Variants in RBFOX1 observed in about 807,000 individuals in gnomAD.
RBFOX1 encodes the protein RNA binding fox-1 homolog 1, also known as RNA binding protein fox-1 homolog 1.
In RBFOX1, 8 loss-of-function variants were observed where a neutral mutation model predicts 57.7. That is an observed-to-expected ratio of 0.14 (90% confidence interval 0.08 to 0.25). The LOEUF is 0.25. RBFOX1 is among the 10% of genes least tolerant of loss of function. The probability of loss-of-function intolerance (pLI) is 1.00; values close to 1 mark genes in which losing one functional copy is unlikely to be tolerated. For missense variants in RBFOX1, 611 were observed against 548.5 expected (o/e 1.11, Z -1.14); for synonymous variants, 326 against 222.4 (o/e 1.47, Z -4.15).
In RBFOX1 at chr16:5,888,957, C is replaced by G. The variant is rs563768790; in HGVS notation, c.351+21622C>G. Among the ~76,000 whole-genome samples, 20 of 152,244 alleles carry G rather than the reference C, an allele frequency of 1.3e-4. No individual in the cohort carries two copies. The East Asian group carries it at 3.9e-3, about 29-fold the overall frequency. On this transcript the variant is annotated intron_variant, in intron 4 of 19. Transcript: ENST00000641259. ...ACTGGGAAGATCTCTTCATCCTCTG[C>G]TGTGGGCTGTGAGGTTCCCTTTGTT...
chr16:7,265,986 T>C (rs1341311374), intron 4 of RBFOX1, among the ~76,000 whole-genome samples: 3 of 141,572 alleles, frequency 2.1e-5, no homozygotes, highest in Admixed American at 1.4e-4. Context: ...TTTTTTTTTT[T>C]TTTTCTGAGA....
intron 2 of RBFOX1, among the ~76,000 whole-genome samples, chr16:6,405,371 C>G (rs955663002): frequency 6.6e-6 from 1 of 152,184 alleles, no homozygotes; most frequent in Non-Finnish European, 1.5e-5. Context: ...TAAAACAAAG[C>G]TTTCATATGT....
intron 4 of RBFOX1, among the ~76,000 whole-genome samples, chr16:7,394,427 C>G (rs561219958): frequency 1.3e-5 from 2 of 152,146 alleles, no homozygotes; most frequent in South Asian, 2.1e-4. Flanking sequence ...GCTTACCTCC[C>G]CTAATGGCCA....
In RBFOX1 at chr16:6,557,848, G is replaced by T. The variant is rs115331770; in HGVS notation, c.-63-96755G>T. ...AAGTAGATTTGTAGGCTAATTTATT[G>T]GTCATTTTAATATTGTGTATTCTCC... On this transcript the variant is annotated intron_variant, in intron 2 of 15. Transcript: ENST00000550418. Among the ~76,000 whole-genome samples the T allele has an allele frequency of 3.2e-3, 487 of 152,174 alleles. 1 individual carries two copies. Among genetic ancestry groups the T allele is most frequent in the African/African-American group, 0.011 (470 of 41,502 alleles).
chr16:6,743,932 T>C (rs13334520), intron 3 of RBFOX1, among the ~76,000 whole-genome samples: 21,668 of 151,360 alleles, frequency 0.14, 1,694 homozygotes, highest in South Asian at 0.24. Context: ...TAAATGATTT[T>C]CCAGTTTTTC....
In RBFOX1 at chr16:7,041,375, C is replaced by T. The variant is rs184355061; in HGVS notation, c.-15-10682C>T. On this transcript the variant is annotated intron_variant, in intron 3 of 15. Coordinates refer to ENST00000550418, the MANE Select transcript of RBFOX1 (RefSeq NM_018723.4). ...TGGCTCTCAAAGGGCAATGCATTTC[C>T]TATTTGGCTCTTAGGAGAAAAAGTT... Among the ~76,000 whole-genome samples the T allele has an allele frequency of 2.6e-3, 397 of 152,210 alleles. 2 individuals carry two copies. Among genetic ancestry groups the T allele is most frequent in the Middle Eastern group, 0.017 (5 of 294 alleles).
chr16:7,679,684 C>A (rs2074251300), intron 14 of RBFOX1, among the ~76,000 whole-genome samples: 1 of 151,990 alleles, frequency 6.6e-6, no homozygotes, highest in South Asian at 2.1e-4. Flanking sequence ...CCAGTAACCT[C>A]AGGACTGTCC....
At chr16:6,327,285 A>G (rs1048645197) in intron 2 of RBFOX1, among the ~76,000 whole-genome samples, 1 of 152,048 alleles carries the variant, frequency 6.6e-6, no homozygotes, top group Non-Finnish European at 1.5e-5. Context: ...ACAATATAAC[A>G]TCAGGATGAT....
intron 3 of RBFOX1, among the ~76,000 whole-genome samples, chr16:5,825,003 C>A (rs2055984999): frequency 6.6e-6 from 1 of 152,142 alleles, no homozygotes; most frequent in African/African-American, 2.4e-5. Context: ...TAAGAGGTCC[C>A]CATTGTGGAA....
At chr16:6,463,570 G>A (rs2094969019) in intron 2 of RBFOX1, among the ~76,000 whole-genome samples, 1 of 152,128 alleles carries the variant, frequency 6.6e-6, no homozygotes, top group African/African-American at 2.4e-5. Context: ...GCTGATGCAA[G>A]CAAGAAGGAA....
chr16:5,837,555 A>T (rs2151839894), intron 3 of RBFOX1, among the ~76,000 whole-genome samples: 1 of 150,846 alleles, frequency 6.6e-6, no homozygotes, highest in East Asian at 2.0e-4. Context: ...GTGTTGGGGC[A>T]GGAGGAGGTG....
chr16:5,939,489 G>A (rs1384519971), intron 4 of RBFOX1, among the ~76,000 whole-genome samples: 1 of 152,166 alleles, frequency 6.6e-6, no homozygotes, highest in Non-Finnish European at 1.5e-5. Context: ...TTGTCATGGA[G>A]GACCTTCCAC....
chr16:6,359,283 G>A (rs575900182), intron 2 of RBFOX1, among the ~76,000 whole-genome samples: 5 of 151,996 alleles, frequency 3.3e-5, no homozygotes, highest in Non-Finnish European at 5.9e-5. Context: ...TAGTAGAGAC[G>A]GGGTTTCACC....
At chr16:7,590,354 C>G (rs1328846417) in intron 7 of RBFOX1, among the ~76,000 whole-genome samples, 3 of 151,634 alleles carry the variant, frequency 2.0e-5, no homozygotes, top group Non-Finnish European at 4.4e-5. Flanking sequence ...GTATATAACT[C>G]AAGTATTTAA....
At position 7,590,786 on chromosome 16, in the gene RBFOX1, G is replaced by C. The variant is rs559532591; in HGVS notation, c.468+3486G>C. 6.6e-5 allele frequency among the ~76,000 whole-genome samples: 10 copies of C among 151,662 alleles called. No individual in the cohort carries two copies. In the South Asian group the frequency reaches 1.9e-3, roughly 29 times the overall value. ...AGGCAGGAGAATCACTTGAACCCGG[G>C]GGGTGGAGATTGCAGTGAGCCGAGA... On this transcript the variant is annotated intron_variant, in intron 7 of 15. Transcript: ENST00000550418.
chr16:7,100,736 CAG>C (rs917385293), intron 4 of RBFOX1, among the ~76,000 whole-genome samples: 86 of 152,090 alleles, frequency 5.7e-4, no homozygotes, highest in African/African-American at 2.0e-3. Context: ...ACAGAGGACT[CAG>C]AGGGGGAAAA....
At chr16:7,357,323 C>G (rs757084241) in intron 4 of RBFOX1, among the ~76,000 whole-genome samples, 5 of 151,694 alleles carry the variant, frequency 3.3e-5, no homozygotes, top group Non-Finnish European at 5.9e-5. Flanking sequence ...CCATTTTTCA[C>G]TACAAAAACA....
chr16:6,252,431 C>G (rs1406107091), intron 1 of RBFOX1, among the ~76,000 whole-genome samples: 1 of 152,056 alleles, frequency 6.6e-6, no homozygotes, highest in African/African-American at 2.4e-5. Context: ...AAGCATCTTC[C>G]AAGTTGTTCT....
chr16:6,690,917 C>T (rs557688867), intron 3 of RBFOX1, among the ~76,000 whole-genome samples: 5 of 152,106 alleles, frequency 3.3e-5, no homozygotes, highest in Non-Finnish European at 7.4e-5. Context: ...TTCATTTTCA[C>T]CTCCGGCTAA....
Sources: allele counts gnomAD v4.1 joint callset (sites outside exome capture counted in the v4.1 genomes callset), GRCh38; gene constraint gnomAD v4.1.1; transcripts MANE v1.5; gene names NCBI Gene and HGNC (gene_info 2026-07-23, HGNC 2026-07-21).